The following SPRY3 variants were observed in gnomAD, a reference collection of about 807,000 sequenced individuals.
SPRY3 encodes sprouty RTK signaling antagonist 3.
Under a neutral mutation model 20.2 loss-of-function variants are expected in SPRY3, and 15 were observed. The observed-to-expected ratio is 0.74, with a 90% CI of 0.50 to 1.14. The LOEUF (loss-of-function observed/expected upper bound fraction) is 1.14, where lower values mean the gene tolerates loss of function less well. Ranked by LOEUF, SPRY3 falls within the 50% of genes most tolerant of loss-of-function variation. The probability of loss-of-function intolerance (pLI) is 0.00; values close to 1 mark genes in which losing one functional copy is unlikely to be tolerated. For synonymous variants in SPRY3, 143 were observed against 136.5 expected, an observed-to-expected ratio of 1.05 and a Z score of -0.33; for missense variants, 364 against 363.9, an observed-to-expected ratio of 1.00 and a Z score of 0.00.
intron 2 of SPRY3, chrX:155,767,720 A>AAGAGGAGGAGTAGGAGGAG (rs1603002310): frequency 3.1e-5 from 2 of 64,458 alleles, no homozygotes; most frequent in African/African-American, 6.5e-5. Flanking sequence ...GAGGAGGAGA[A>AAGAGGAGGAGTAGGAGGAG]AGAGGAGGAG....
chrX:155,704,622 G>C (rs2090936349), intron 2 of SPRY3, among the ~76,000 whole-genome samples: 1 of 151,564 alleles, frequency 6.6e-6, no homozygotes, highest in East Asian at 1.9e-4. Context: ...AATAATGACT[G>C]AGAATTTTTT....
chrX:155,712,899 T>C (rs1245661284), intron 2 of SPRY3, among the ~76,000 whole-genome samples: 1 of 152,024 alleles, frequency 6.6e-6, no homozygotes, highest in Non-Finnish European at 1.5e-5. Context: ...TATCCCATGA[T>C]TTTAAACTGC....
intron 2 of SPRY3, among the ~76,000 whole-genome samples, chrX:155,755,879 AG>A (rs1308566254): frequency 6.6e-6 from 1 of 152,070 alleles, no homozygotes; most frequent in Non-Finnish European, 1.5e-5. Context: ...ACAAATAGAA[AG>A]GAGAAGAAAG....
chrX:155,776,860 C>T (rs2091430192), downstream of SPRY3: 1 of 167,024 alleles, frequency 6.0e-6, no homozygotes. Context: ...ATTTGGGCTG[C>T]ACAGAGCCCC....
intron 3 of SPRY3, among the ~76,000 whole-genome samples, chrX:155,772,843 T>C (rs1354761793): frequency 6.6e-6 from 1 of 152,092 alleles, no homozygotes; most frequent in Non-Finnish European, 1.5e-5. Flanking sequence ...TTGTGTAAGG[T>C]AGTGATAGAG....
At chrX:155,746,940 T>G (rs1169494358) in intron 2 of SPRY3, among the ~76,000 whole-genome samples, 1 of 151,948 alleles carries the variant, frequency 6.6e-6, no homozygotes, top group African/African-American at 2.4e-5. Context: ...TTCCATTTAC[T>G]CTTTCTTTAA....
intron 2 of SPRY3, among the ~76,000 whole-genome samples, chrX:155,756,859 A>G (rs116093823): frequency 0.045 from 6,825 of 150,428 alleles, 476 homozygotes; most frequent in African/African-American, 0.15. Context: ...ACTGAATGAG[A>G]AAAAAAAACT....
At chrX:155,616,228 T>G (rs2067853656) in intron 1 of SPRY3, among the ~76,000 whole-genome samples, 1 of 106,862 alleles carries the variant, frequency 9.4e-6, no homozygotes, top group Non-Finnish European at 1.9e-5. Context: ...CTCTTTTTGT[T>G]TCCCAAGTCC....
intron 2 of SPRY3, among the ~76,000 whole-genome samples, chrX:155,710,039 T>G (rs2090975585): frequency 6.6e-6 from 1 of 151,756 alleles, no homozygotes; most frequent in Non-Finnish European, 1.5e-5. Flanking sequence ...CTTATGCGAG[T>G]ACCATGCTGT....
At chrX:155,751,202 C>T (rs1203869253) in intron 2 of SPRY3, among the ~76,000 whole-genome samples, 3 of 151,762 alleles carry the variant, frequency 2.0e-5, no homozygotes, top group South Asian at 2.1e-4. Flanking sequence ...AGTAGTATAG[C>T]TATTTATTAA....
At chrX:155,675,689 T>C (rs2068057049) in intron 2 of SPRY3, among the ~76,000 whole-genome samples, 1 of 111,568 alleles carries the variant, frequency 9.0e-6, no homozygotes, top group South Asian at 3.7e-4. Flanking sequence ...TTGACAATGT[T>C]GTTATATATT....
At chrX:155,654,486 CT>C (rs1557352782) in intron 1 of SPRY3, among the ~76,000 whole-genome samples, 3 of 110,705 alleles carry the variant, frequency 2.7e-5, no homozygotes, top group Non-Finnish European at 5.7e-5. Context: ...ACTATCCCAC[CT>C]TTTAGAATCT....
At chrX:155,656,047 A>T (rs2067991272) in intron 1 of SPRY3, among the ~76,000 whole-genome samples, 1 of 111,183 alleles carries the variant, frequency 9.0e-6, no homozygotes, top group South Asian at 3.8e-4. Flanking sequence ...CTGGGTTTCA[A>T]CCTTGGGGAA....
chrX:155,627,485 C>T (rs991118211), intron 1 of SPRY3, among the ~76,000 whole-genome samples: 11 of 111,544 alleles, frequency 9.9e-5, no homozygotes, highest in Non-Finnish European at 5.7e-5. Flanking sequence ...CTTTTTAAAT[C>T]CATGCACTCA....
intron 2 of SPRY3, among the ~76,000 whole-genome samples, chrX:155,707,695 C>G (rs1390676300): frequency 6.6e-6 from 1 of 151,076 alleles, no homozygotes; most frequent in Non-Finnish European, 1.5e-5. Context: ...AATACTCTTT[C>G]TTGTCTTAAA....
intron 2 of SPRY3, among the ~76,000 whole-genome samples, chrX:155,725,309 G>T (rs1327946394): frequency 6.6e-6 from 1 of 152,152 alleles, no homozygotes; most frequent in Admixed American, 6.5e-5. Flanking sequence ...CCAGGCTTTG[G>T]TATCAGGATG....
exon 4 of SPRY3, chrX:155,775,372 A>G (rs1048910779): frequency 6.0e-5 from 10 of 165,346 alleles, no homozygotes; most frequent in African/African-American, 2.2e-4. Context: ...CTGTATTTCT[A>G]TCTCATTTGA....
intron 1 of SPRY3, among the ~76,000 whole-genome samples, chrX:155,645,179 G>C (rs2067954019): frequency 9.0e-6 from 1 of 111,647 alleles, no homozygotes; most frequent in East Asian, 2.8e-4. Flanking sequence ...TCCTACTATG[G>C]CTGAACTGGT....
At chrX:155,764,464 T>TTGTC (rs2091316675) in intron 2 of SPRY3, among the ~76,000 whole-genome samples, 3 of 152,120 alleles carry the variant, frequency 2.0e-5, no homozygotes, top group African/African-American at 7.2e-5. Context: ...GAACTTCGAG[T>TTGTC]TGTCTTTTAG....
Sources: gnomAD v4.1 joint callset for allele counts (sites outside exome capture counted in the v4.1 genomes callset) on GRCh38, gnomAD v4.1.1 for gene constraint, MANE v1.5 for transcripts, NCBI Gene and HGNC (gene_info 2026-07-23, HGNC 2026-07-21) for gene names.